The following INPP4B variants were observed in gnomAD, a reference collection of about 807,000 sequenced individuals.
INPP4B encodes the protein inositol polyphosphate-4-phosphatase type II B, also known as inositol polyphosphate 4-phosphatase type II.
Under a neutral mutation model 122.5 loss-of-function variants are expected in INPP4B, and 55 were observed. That is an observed-to-expected ratio of 0.45 (90% confidence interval 0.36 to 0.56). INPP4B has a LOEUF of 0.56. INPP4B is among the 20% of genes least tolerant of loss of function. The pLI is 0.00. For missense variants in INPP4B, 1,000 were observed against 1,097.7 expected (o/e 0.91, Z 1.26); for synonymous variants, 403 against 388.7 (o/e 1.04, Z -0.43).
At chr4:142,671,690 G>A (rs1387783335) in intron 2 of INPP4B, among the ~76,000 whole-genome samples, 1 of 152,096 alleles carries the variant, frequency 6.6e-6, no homozygotes, top group Non-Finnish European at 1.5e-5. Flanking sequence ...TAGGTTTGGA[G>A]GTCTTAGTTC....
At chr4:142,705,252 C>T (rs1460542335) in intron 2 of INPP4B, among the ~76,000 whole-genome samples, 3 of 152,108 alleles carry the variant, frequency 2.0e-5, no homozygotes, top group Non-Finnish European at 4.4e-5. Flanking sequence ...CAATCCAGAT[C>T]GTGCTTCTCC....
intron 3 of INPP4B, among the ~76,000 whole-genome samples, chr4:142,455,217 G>A (rs924152702): frequency 1.3e-5 from 2 of 151,568 alleles, no homozygotes; most frequent in Admixed American, 6.6e-5. Context: ...AGTTATTATC[G>A]ACCATAGTCA....
At chr4:142,537,807 G>A (rs1828472618) in intron 2 of INPP4B, among the ~76,000 whole-genome samples, 1 of 150,104 alleles carries the variant, frequency 6.7e-6, no homozygotes. Flanking sequence ...AATATAAAAA[G>A]CAACTTACCA....
chr4:142,463,138 T>C (rs1817053660), intron 2 of INPP4B, among the ~76,000 whole-genome samples: 1 of 152,244 alleles, frequency 6.6e-6, no homozygotes, highest in South Asian at 2.1e-4. Flanking sequence ...TTCAGCTAGC[T>C]TCTGGGAGAA....
chr4:142,620,147 C>A (rs773663908), intron 2 of INPP4B, among the ~76,000 whole-genome samples: 3 of 151,908 alleles, frequency 2.0e-5, no homozygotes, highest in Non-Finnish European at 4.4e-5. Context: ...ACAATTCCAA[C>A]AATGGGTATA....
chr4:142,261,511 A>G (rs1739990757), intron 10 of INPP4B, among the ~76,000 whole-genome samples: 1 of 152,160 alleles, frequency 6.6e-6, no homozygotes, highest in Admixed American at 6.5e-5. Flanking sequence ...AATTGCAGAA[A>G]GTTCTTTTGG....
intron 2 of INPP4B, among the ~76,000 whole-genome samples, chr4:142,709,137 T>C (rs1483689114): frequency 6.6e-6 from 1 of 152,194 alleles, no homozygotes; most frequent in Non-Finnish European, 1.5e-5. Flanking sequence ...AGTGCCTTTG[T>C]TTTGGCTGAT....
chr4:142,622,419 T>G (rs1464159054), intron 2 of INPP4B, among the ~76,000 whole-genome samples: 3 of 151,896 alleles, frequency 2.0e-5, no homozygotes, highest in Non-Finnish European at 1.5e-5. Context: ...CATGTCATAC[T>G]TGCTTGTAAT....
intron 2 of INPP4B, among the ~76,000 whole-genome samples, chr4:142,570,447 G>A (rs1732554445): frequency 6.6e-6 from 1 of 151,854 alleles, no homozygotes; most frequent in Non-Finnish European, 1.5e-5. Flanking sequence ...TAATTGGGTA[G>A]GGAAGGAGTA....
intron 4 of INPP4B, among the ~76,000 whole-genome samples, chr4:142,430,160 A>G (rs910616969): frequency 2.6e-5 from 4 of 152,098 alleles, no homozygotes; most frequent in Non-Finnish European, 4.4e-5. Context: ...TTTTTGTATA[A>G]AAATTAACTG....
At chr4:142,611,728 G>A (rs1185287786) in intron 2 of INPP4B, among the ~76,000 whole-genome samples, 2 of 144,572 alleles carry the variant, frequency 1.4e-5, no homozygotes, top group Non-Finnish European at 3.0e-5. Context: ...GAGTGTGGTG[G>A]TGTGATCTCG....
intron 3 of INPP4B, among the ~76,000 whole-genome samples, chr4:142,453,186 ACT>A (rs2149523594): frequency 1.3e-5 from 2 of 152,246 alleles, no homozygotes; most frequent in African/African-American, 4.8e-5. Context: ...AAAGTAGAGG[ACT>A]CTAAAGAAAT....
intron 14 of INPP4B, among the ~76,000 whole-genome samples, chr4:142,206,540 CAAT>C (rs1303574241): frequency 2.0e-5 from 3 of 151,840 alleles, no homozygotes; most frequent in Admixed American, 1.3e-4. Context: ...CACTAGAAAA[CAAT>C]AAAGTTTAAT....
chr4:142,627,057 G>A (rs115065453), intron 2 of INPP4B, among the ~76,000 whole-genome samples: 2,049 of 152,016 alleles, frequency 0.013, 35 homozygotes, highest in African/African-American at 0.038. Context: ...CCTACTACAA[G>A]AGCCCTTCAC....
chr4:142,412,785 A>G (rs1159420458), intron 5 of INPP4B, among the ~76,000 whole-genome samples: 1 of 151,844 alleles, frequency 6.6e-6, no homozygotes, highest in Admixed American at 6.6e-5. Flanking sequence ...CCTGCTTTTT[A>G]TAATTTTCCT....
intron 2 of INPP4B, among the ~76,000 whole-genome samples, chr4:142,582,550 T>C (rs1446729383): frequency 2.0e-5 from 3 of 152,096 alleles, no homozygotes; most frequent in African/African-American, 7.2e-5. Flanking sequence ...CAGAAAGAAT[T>C]CAATGACTCA....
At position 142,599,069 on chromosome 4, in the gene INPP4B, C is replaced by T. The variant is rs142675976; in HGVS notation, c.-191+126770G>A. On this transcript the variant is annotated intron_variant, in intron 2 of 25. Transcript: ENST00000262992. Reference sequence around the variant, plus strand: ...GTGTGTCTGGGGCTGTCAGTAGTGACGCCATACCACAGCCACTGCCAATAC... The same window carrying T: ...GTGTGTCTGGGGCTGTCAGTAGTGATGCCATACCACAGCCACTGCCAATAC... Among the ~76,000 whole-genome samples the T allele has an allele frequency of 2.7e-3, 411 of 152,236 alleles. 6 individuals are homozygous for T. The highest frequency in any genetic ancestry group is 0.018 in the East Asian group (95 of 5,166).
intron 2 of INPP4B, among the ~76,000 whole-genome samples, chr4:142,499,481 T>C (rs753272615): frequency 4.1e-4 from 63 of 152,174 alleles, no homozygotes; most frequent in Non-Finnish European, 7.2e-4. Context: ...TAAACTACAG[T>C]ATGCCTTATT....
intron 2 of INPP4B, among the ~76,000 whole-genome samples, chr4:142,554,202 A>G (rs1261639785): frequency 1.3e-5 from 2 of 149,890 alleles, no homozygotes; most frequent in Non-Finnish European, 3.0e-5. Context: ...AAAAAAAAAA[A>G]AAAGAAAAAG....
Sources: allele counts gnomAD v4.1 joint callset (sites outside exome capture counted in the v4.1 genomes callset), GRCh38; gene constraint gnomAD v4.1.1; transcripts MANE v1.5; gene names NCBI Gene and HGNC (gene_info 2026-07-23, HGNC 2026-07-21).